NCOA2: variants seen among roughly 807,000 people sequenced by gnomAD.
NCOA2 encodes nuclear receptor coactivator 2, also known as class E basic helix-loop-helix protein 75.
A neutral mutation model predicts 145.1 loss-of-function variants in NCOA2; 21 were observed. That is an observed-to-expected ratio of 0.14 (90% CI 0.10 to 0.21). NCOA2 has a LOEUF of 0.21. Among genes scored for constraint, NCOA2 ranks in the 10% least tolerant of loss-of-function variants. The pLI is 1.00. For synonymous variants in NCOA2, 619 were observed against 637.5 expected, an observed-to-expected ratio of 0.97 and a Z score of 0.44; for missense variants, 1,472 against 1,837.6, an observed-to-expected ratio of 0.80 and a Z score of 3.64.
intron 2 of NCOA2, among the ~76,000 whole-genome samples, chr8:70,222,462 G>A (rs1029641935): frequency 1.3e-5 from 2 of 152,164 alleles, no homozygotes; most frequent in African/African-American, 4.8e-5. Context: ...ATAAACAAAT[G>A]TTTAAGCTAA....
At chr8:70,365,044 C>T (rs1272307640) in intron 1 of NCOA2, among the ~76,000 whole-genome samples, 1 of 152,108 alleles carries the variant, frequency 6.6e-6, no homozygotes, top group African/African-American at 2.4e-5. Flanking sequence ...CTCTTTAGAA[C>T]ATATGTGTCT....
chr8:70,300,777 G>A (rs1415227680), intron 1 of NCOA2, among the ~76,000 whole-genome samples: 3 of 152,190 alleles, frequency 2.0e-5, no homozygotes, highest in Non-Finnish European at 2.9e-5. Context: ...ACTATAATAA[G>A]AGATGTGCCA....
intron 4 of NCOA2, among the ~76,000 whole-genome samples, chr8:70,181,050 GCTTA>G (rs898247607): frequency 7.9e-5 from 12 of 152,178 alleles, no homozygotes; most frequent in African/African-American, 2.4e-4. Context: ...AATTTTGGTA[GCTTA>G]CTTAATCTCA....
intron 2 of NCOA2, among the ~76,000 whole-genome samples, chr8:70,290,186 T>C: frequency 1.2e-5 from 1 of 86,648 alleles, no homozygotes; most frequent in Non-Finnish European, 2.0e-5. Context: ...TTCCATTGAT[T>C]TTTTTTTTTT....
At chr8:70,232,870 T>TACACACACACACACAC (rs71275059) in intron 2 of NCOA2, among the ~76,000 whole-genome samples, 25,581 of 145,112 alleles carry the variant, frequency 0.18, 2,351 homozygotes, top group Middle Eastern at 0.2. Context: ...ATTTAGAATT[T>TACACACACACACACAC]ACACACACAC....
In NCOA2 at chr8:70,113,599, G is replaced by C. The variant is rs76809412; in HGVS notation, c.*33C>G. The C allele has an allele frequency of 1.9e-6, 3 of 1,550,822 alleles. No individual in the cohort carries two copies. Among genetic ancestry groups the C allele is most frequent in the Admixed American group, 2.0e-5 (1 of 51,006 alleles). On this transcript the variant is annotated 3_prime_UTR_variant, in exon 23 of 23. Transcript: ENST00000452400. Reference sequence around the variant, plus strand: ...GGAAGTGTTTTGAGCAAGTGAGCCCGGTCAGCTGAAGAAGCAACTGGCTTC... The same window carrying C: ...GGAAGTGTTTTGAGCAAGTGAGCCCCGTCAGCTGAAGAAGCAACTGGCTTC...
rs1211500813 is a variant in NCOA2 at position 70,213,914 on chromosome 8, A to C, written c.248T>G (p.Ile83Ser). 2.5e-6 allele frequency: 4 copies of C among 1,594,180 alleles called. No individual in the cohort carries two copies. The highest frequency in any genetic ancestry group is 3.4e-6 in the Non-Finnish European group (4 of 1,169,994). ...TTCAGTCCTCTTACCTTGTTCTTTG[A>C]TCTGACGAATTTGCTTCACAGTTTC... The part of the protein sequence containing the change: ...LKETVKQIRQ[I>S]KEQEKAAAAN... Residue 83 changes from isoleucine to serine, a missense_variant, in exon 4 of 23, where the codon ATC (isoleucine) becomes AGC (serine). Around this residue, in one of 4 missense-constraint regions of NCOA2, gnomAD observed 284 missense variants for 467.8 expected, o/e 0.61. Coordinates refer to ENST00000452400, the MANE Select transcript of NCOA2 (RefSeq NM_006540.4).
Position 70,123,945 on chromosome 8 carries a change from A to G in NCOA2, c.4232T>C (p.Ile1411Thr). Reference sequence around the variant, plus strand: ...CACGGAGGTCACTGAGGTCATGCTGATCTGTCCTGTCATCTGGTTCATGCT... The same window carrying G: ...CACGGAGGTCACTGAGGTCATGCTGGTCTGTCCTGTCATCTGGTTCATGCT... ...MSSMNQMTGQ[I>T]SMTSVTSVPT... The change falls in exon 21 of 23, where the codon ATC becomes ACC. Residue 1411 changes from isoleucine to threonine, a missense_variant. Physicochemically the swap from Ile to Thr is moderately conservative, Grantham distance 89. Coordinates refer to ENST00000452400, the MANE Select transcript of NCOA2 (RefSeq NM_006540.4). 1 of 1,613,936 alleles carries G rather than the reference A, an allele frequency of 6.2e-7. No individual in the cohort carries two copies. Among genetic ancestry groups the G allele is most frequent in the Non-Finnish European group, 8.5e-7 (1 of 1,179,884 alleles).
chr8:70,135,690 C>A (rs1281357395), intron 15 of NCOA2, among the ~76,000 whole-genome samples: 1 of 152,108 alleles, frequency 6.6e-6, no homozygotes, highest in Non-Finnish European at 1.5e-5. Context: ...CATATAGTTA[C>A]AACCTAGTTA....
intron 2 of NCOA2, among the ~76,000 whole-genome samples, chr8:70,264,699 G>A (rs371819734): frequency 1.3e-5 from 2 of 151,970 alleles, no homozygotes; most frequent in Admixed American, 6.6e-5. Flanking sequence ...GTTCACTGCC[G>A]GAATACTTGA....
intron 2 of NCOA2, among the ~76,000 whole-genome samples, chr8:70,280,522 A>G (rs1348777205): frequency 1.3e-5 from 2 of 152,232 alleles, no homozygotes; most frequent in African/African-American, 2.4e-5. Context: ...TGACCCATAC[A>G]CAATATACCA....
At chr8:70,355,848 G>A (rs1809641149) in intron 1 of NCOA2, among the ~76,000 whole-genome samples, 1 of 152,038 alleles carries the variant, frequency 6.6e-6, no homozygotes, top group Non-Finnish European at 1.5e-5. Context: ...AAGACAGAAT[G>A]GGAACTTAAA....
intron 2 of NCOA2, among the ~76,000 whole-genome samples, chr8:70,271,276 AG>A (rs541642274): frequency 6.6e-6 from 1 of 152,246 alleles, no homozygotes; most frequent in South Asian, 2.1e-4. Flanking sequence ...ATAAAAAACA[AG>A]GTAAGCACCA....
chr8:70,156,373 T>A lies in NCOA2; in HGVS notation c.1992A>T (p.Thr664=). ...GCAAGCTACCTGTGGAGTCTTTGTT[T>A]GTATCCGACAAAGAGCTGGCTAAGG... The part of the protein sequence containing the change: ...PSPLASSLSD[T]NKDSTGSLPG... Residue 664 remains threonine (T), a synonymous_variant, in exon 11 of 23, where the codon ACA becomes ACT. Coordinates refer to ENST00000452400, the MANE Select transcript of NCOA2 (RefSeq NM_006540.4). 1.2e-6 allele frequency: 2 copies of A among 1,613,982 alleles called. No homozygotes were observed. The highest frequency in any genetic ancestry group is 1.7e-6 in the Non-Finnish European group (2 of 1,179,884).
In NCOA2 at chr8:70,281,355, CAAAAAAAAAA is replaced by C. The variant is rs372574771; in HGVS notation, c.-20+15379_-20+15388del. On this transcript the variant is annotated intron_variant, in intron 2 of 22. Coordinates refer to ENST00000452400, the MANE Select transcript of NCOA2 (RefSeq NM_006540.4). ...TGGGTGACAGAGCGAGACCCTGTCT[CAAAAAAAAAA>C]AAAAAAAAAAAAAAAAGGAAAAAAT... is the stretch of plus-strand genomic sequence containing the variant. 5.4e-3 allele frequency among the ~76,000 whole-genome samples: 332 copies of C among 61,044 alleles called. 4 individuals carry two copies. The highest frequency in any genetic ancestry group is 0.015 in the African/African-American group (271 of 17,882). The allele number at this position is 61,044 out of a possible 152,430, so 40.0% of individuals were successfully genotyped here.
chr8:70,283,553 A>T (rs1414949920), intron 2 of NCOA2, among the ~76,000 whole-genome samples: 2 of 152,218 alleles, frequency 1.3e-5, no homozygotes, highest in Non-Finnish European at 2.9e-5. Flanking sequence ...CTGATGTAAG[A>T]CACAAAGATC....
chr8:70,299,770 C>T (rs1167225143), intron 1 of NCOA2, among the ~76,000 whole-genome samples: 1 of 152,188 alleles, frequency 6.6e-6, no homozygotes, highest in Non-Finnish European at 1.5e-5. Flanking sequence ...CTACACAATG[C>T]AATTTTATCC....
chr8:70,388,880 G>A (rs946079051), intron 1 of NCOA2, among the ~76,000 whole-genome samples: 3 of 152,216 alleles, frequency 2.0e-5, no homozygotes, highest in Non-Finnish European at 2.9e-5. Flanking sequence ...TTAGTGGAGA[G>A]AGACAGGTCA....
intron 2 of NCOA2, among the ~76,000 whole-genome samples, chr8:70,243,158 G>A (rs1822296566): frequency 6.6e-6 from 1 of 151,906 alleles, no homozygotes; most frequent in African/African-American, 2.4e-5. Flanking sequence ...TATGTCCTAG[G>A]GGAAAAACAA....
Sources: allele counts gnomAD v4.1 joint callset (sites outside exome capture counted in the v4.1 genomes callset), GRCh38; gene constraint gnomAD v4.1.1; regional missense constraint gnomAD v4.1.1; transcripts MANE v1.5; gene names NCBI Gene and HGNC (gene_info 2026-07-23, HGNC 2026-07-21).